Variants in KDM2A observed in about 807,000 individuals in gnomAD.
The protein encoded by KDM2A is lysine demethylase 2A.
In KDM2A, 3 loss-of-function variants were observed where a neutral mutation model predicts 137.3. The ratio of observed to expected loss-of-function variants is 0.02; its 90% CI spans 0.01 to 0.06. The LOEUF (loss-of-function observed/expected upper bound fraction) is 0.06, where lower values mean the gene tolerates loss of function less well. Among genes scored for constraint, KDM2A ranks in the 10% least tolerant of loss-of-function variants. The pLI is 1.00. For synonymous variants in KDM2A, 512 were observed against 541.5 expected (o/e 0.95, Z 0.76); for missense variants, 738 against 1,510.6 (o/e 0.49, Z 8.48).
At chr11:67,180,054 A>C (rs578246763) in intron 2 of KDM2A, 25 bp from the exon 3 acceptor site, 1 of 1,597,700 alleles carries the variant, frequency 6.3e-7, no homozygotes, top group South Asian at 1.1e-5. Flanking sequence ...GCATGATTTC[A>C]TCAGTATGTT....
chr11:67,228,927 G>C (rs1858629051), intron 11 of KDM2A, among the ~76,000 whole-genome samples: 1 of 151,950 alleles, frequency 6.6e-6, no homozygotes, highest in African/African-American at 2.4e-5. Context: ...GTCTTGCTCT[G>C]TTGCCCAGGC....
chr11:67,134,128 T>C (rs1188686065), intron 2 of KDM2A, among the ~76,000 whole-genome samples: 2 of 152,170 alleles, frequency 1.3e-5, no homozygotes, highest in African/African-American at 2.4e-5. Context: ...CCAGGAAGAC[T>C]GGGGGAAAGA....
intron 8 of KDM2A, 150 bp from the exon 9 acceptor site, chr11:67,217,581 G>A: frequency 1.5e-6 from 1 of 688,888 alleles, no homozygotes; most frequent in Non-Finnish European, 2.5e-6. Context: ...GACCTTCTAG[G>A]GTTTACCACA....
chr11:67,184,575 G>A (rs1016987970), intron 5 of KDM2A, among the ~76,000 whole-genome samples: 4 of 151,698 alleles, frequency 2.6e-5, no homozygotes, highest in East Asian at 2.0e-4. Context: ...TGCAGTGAGC[G>A]AAGCTTGTGC....
At chr11:67,147,804 A>G (rs1175962921) in intron 2 of KDM2A, among the ~76,000 whole-genome samples, 1 of 151,514 alleles carries the variant, frequency 6.6e-6, no homozygotes, top group African/African-American at 2.4e-5. Flanking sequence ...CAACCTTCCA[A>G]GTAGCTGCGA....
intron 2 of KDM2A, among the ~76,000 whole-genome samples, chr11:67,146,940 C>A (rs75498182): frequency 6.6e-6 from 1 of 152,096 alleles, no homozygotes; most frequent in African/African-American, 2.4e-5. Context: ...GTTTACTGAT[C>A]TCATTTGAGA....
rs1459977535 is a variant in KDM2A, at chr11:67,207,684, C to T, written c.482C>T (p.Ser161Phe). The T allele has an allele frequency of 1.2e-6, 2 of 1,602,438 alleles. No homozygotes were observed. Among genetic ancestry groups the T allele is most frequent in the Non-Finnish European group, 1.7e-6 (2 of 1,173,326 alleles). ...CTGGAGAATATGGTGCAGAGGCCCT[C>T]CACGGTTAGTGTAATCATTTTCTTC... Reference protein sequence around the residue: ...TRLENMVQRPSTVDFIDWVDN... With the variant: ...TRLENMVQRPFTVDFIDWVDN... The change falls in exon 6 of 21, where the codon TCC (serine) becomes TTC (phenylalanine). Residue 161 changes from serine (S) to phenylalanine (F), a missense_variant. Coordinates refer to ENST00000529006, the MANE Select transcript of KDM2A (RefSeq NM_012308.3).
At chr11:67,136,273 T>C (rs114916006) in intron 2 of KDM2A, among the ~76,000 whole-genome samples, 164 of 152,342 alleles carry the variant, frequency 1.1e-3, no homozygotes, top group African/African-American at 3.9e-3. Flanking sequence ...TGCAGTTAAG[T>C]GTCTCAGATT....
chr11:67,244,987 A>G (rs1859162411), intron 13 of KDM2A: 1 of 213,218 alleles, frequency 4.7e-6, no homozygotes, highest in African/African-American at 2.4e-5. Context: ...CTCTGTCTCA[A>G]AAAAAAAAAA....
Position 67,250,589 on chromosome 11 carries a change from G to T in KDM2A, c.2559G>T (p.Leu853=). 1 of 1,612,822 alleles carries T rather than the reference G, an allele frequency of 6.2e-7. No homozygotes were observed. The highest frequency in any genetic ancestry group is 8.5e-7 in the Non-Finnish European group (1 of 1,179,212). The change falls in exon 17 of 21, where the codon CTG becomes CTT. Residue 853 remains leucine (L), a synonymous_variant. Coordinates refer to ENST00000529006, the MANE Select transcript of KDM2A (RefSeq NM_012308.3). The surrounding 1 kb of genome is among the most constrained non-coding windows in gnomAD (Gnocchi z 7.1). The part of the protein sequence containing the change: ...RTPQRGDEEG[L]GGEEEEEEEE... Reference sequence around the variant, plus strand: ...CCCAGCGTGGGGATGAGGAGGGGCTGGGGGGAGAGGAGGAGGAAGAGGAGG... The same window carrying T: ...CCCAGCGTGGGGATGAGGAGGGGCTTGGGGGAGAGGAGGAGGAAGAGGAGG...
chr11:67,247,412 G>A (rs572891531), intron 15 of KDM2A, among the ~76,000 whole-genome samples: 1 of 128,290 alleles, frequency 7.8e-6, no homozygotes, highest in East Asian at 2.4e-4. Context: ...TATTTTAACA[G>A]CATTACAATC....
In KDM2A at chr11:67,119,473, C is replaced by A; in HGVS notation, c.-660C>A. On this transcript the variant is annotated 5_prime_UTR_variant, in exon 1 of 21. Coordinates refer to ENST00000529006, the MANE Select transcript of KDM2A (RefSeq NM_012308.3). ...GCCAGGGGGCCCATCCCCCGGAATCCCTCTTCTGCGACTGGGGAGTAGCCG... is the reference window on the plus strand; with the variant it reads ...GCCAGGGGGCCCATCCCCCGGAATCACTCTTCTGCGACTGGGGAGTAGCCG... 1 of 153,398 alleles carries A rather than the reference C, an allele frequency of 6.5e-6. No homozygotes were observed. Among genetic ancestry groups the A allele is most frequent in the South Asian group, 1.8e-4 (1 of 5,670 alleles). The allele number at this position is 153,398 out of a possible 1,614,324, so 9.5% of individuals were successfully genotyped here. A position where few individuals can be genotyped will look rare whatever the true frequency, so the allele number is the denominator to read the frequency against.
intron 2 of KDM2A, among the ~76,000 whole-genome samples, chr11:67,175,867 C>T (rs765877099): frequency 3.9e-5 from 6 of 152,178 alleles, no homozygotes; most frequent in Non-Finnish European, 2.9e-5. Context: ...ATTGCTCTTG[C>T]TTTATAATGT....
chr11:67,251,318 C>A (rs1027394022), intron 17 of KDM2A, among the ~76,000 whole-genome samples: 4 of 152,158 alleles, frequency 2.6e-5, no homozygotes, highest in Non-Finnish European at 5.9e-5. Flanking sequence ...GCTCATCCCC[C>A]CAAACCTGGA....
intron 5 of KDM2A, among the ~76,000 whole-genome samples, chr11:67,204,658 A>AT (rs1360461674): frequency 6.6e-6 from 1 of 151,628 alleles, no homozygotes; most frequent in South Asian, 2.1e-4. Flanking sequence ...CACCTGGCTA[A>AT]TTTTTTGTAT....
chr11:67,245,569 A>C lies in KDM2A; in HGVS notation c.1833+111A>C. 2 of 1,223,782 alleles carry C rather than the reference A, an allele frequency of 1.6e-6. No homozygotes were observed. The highest frequency in any genetic ancestry group is 2.3e-6 in the Non-Finnish European group (2 of 882,588). 75.8% of individuals were successfully genotyped at this position (1,223,782 alleles called of 1,614,324 possible). On this transcript the variant is annotated intron_variant, in intron 14 of 20. Coordinates refer to ENST00000529006, the MANE Select transcript of KDM2A (RefSeq NM_012308.3). The surrounding 1 kb of genome is among the most constrained non-coding windows in gnomAD (Gnocchi z 4.1). ...CTTCAGAGTTGGAAAGAAAAGGTTT[A>C]TACTCTCTTTTTGGCTTTATTTTGT...
chr11:67,132,174 G>C (rs1855868557), intron 2 of KDM2A: 1 of 152,232 alleles, frequency 6.6e-6, no homozygotes, highest in South Asian at 2.1e-4. Flanking sequence ...ATCTCTGATA[G>C]ATGAGCAGAC....
At chr11:67,131,486 A>G (rs2136283989) in intron 2 of KDM2A, among the ~76,000 whole-genome samples, 1 of 142,818 alleles carries the variant, frequency 7.0e-6, no homozygotes, top group East Asian at 2.1e-4. Flanking sequence ...ATATTGGCTC[A>G]CTGAAACCTC....
At chr11:67,225,908 C>T (rs1020491605) in intron 10 of KDM2A, among the ~76,000 whole-genome samples, 5 of 151,504 alleles carry the variant, frequency 3.3e-5, no homozygotes, top group African/African-American at 1.2e-4. Flanking sequence ...CTACTAAAAA[C>T]ATAAAAATTA....
Sources: allele counts gnomAD v4.1 joint callset (sites outside exome capture counted in the v4.1 genomes callset), GRCh38; gene constraint gnomAD v4.1.1; non-coding constraint Gnocchi (gnomAD v3.1); transcripts MANE v1.5; gene names NCBI Gene and HGNC (gene_info 2026-07-23, HGNC 2026-07-21).